FAM98A: variants seen among roughly 807,000 people sequenced by gnomAD.
The protein encoded by FAM98A is tRNA splicing ligase complex subunit 3A.
FAM98A carries 25 observed loss-of-function variants against 62.9 expected under a neutral mutation model. That is an observed-to-expected ratio of 0.40 (90% CI 0.29 to 0.56). The LOEUF (loss-of-function observed/expected upper bound fraction) is 0.56. Ranked by LOEUF, FAM98A falls within the 20% of genes least tolerant of loss-of-function variation. The pLI, the probability that FAM98A is intolerant of heterozygous loss-of-function variation, is 0.51. For synonymous variants in FAM98A, 252 were observed against 228.6 expected (o/e 1.10, Z -0.92); for missense variants, 653 against 640.7 (o/e 1.02, Z -0.21).
rs767257677 is a variant in FAM98A, at chr2:33,599,244, C to G, written c.-23G>C. On this transcript the variant is annotated 5_prime_UTR_variant, in exon 1 of 8. Transcript: ENST00000238823. Reference sequence around the variant, plus strand: ...CATGCTACTGTGGTATTCAAATTTCCGAGTCGTCAGGCTCCCCTCTTCGCC... The same window carrying G: ...CATGCTACTGTGGTATTCAAATTTCGGAGTCGTCAGGCTCCCCTCTTCGCC... 5 of 1,608,886 alleles carry G rather than the reference C, an allele frequency of 3.1e-6. No individual in the cohort carries two copies. The South Asian group carries it at 3.3e-5, about 11-fold the overall frequency.
In FAM98A at chr2:33,585,600, T is replaced by G. The variant is rs1190618410; in HGVS notation, c.818A>C (p.Gln273Pro). 1 of 1,614,246 alleles carries G rather than the reference T, an allele frequency of 6.2e-7. No homozygotes were observed. The highest frequency in any genetic ancestry group is 2.2e-5 in the East Asian group (1 of 44,888). ...TGTCCTTAAAATCTTTGACAAGTCCTGCCTTGCAGCCAAAAGATGGGCAAC... is the reference window on the plus strand; with the variant it reads ...TGTCCTTAAAATCTTTGACAAGTCCGGCCTTGCAGCCAAAAGATGGGCAAC... ...ISVAHLLAAR[Q>P]DLSKILRTSS... The change falls in exon 7 of 8, where the codon CAG (glutamine) becomes CCG (proline). Residue 273 changes from glutamine (Q) to proline (P), a missense_variant. Coordinates refer to ENST00000238823, the MANE Select transcript of FAM98A (RefSeq NM_015475.5).
chr2:33,587,327 C>CA lies in FAM98A; in HGVS notation c.523-8dup. ...TTGCTAATGTTTCCTTTAACTGACA[C>CA]AAAAACATAAATAAATGAATAAAAA... On this transcript the variant is annotated splice_region_variant and splice_polypyrimidine_tract_variant and intron_variant, in intron 4 of 7. Transcript: ENST00000238823. 1 of 1,597,356 alleles carries CA rather than the reference C, an allele frequency of 6.3e-7. No individual in the cohort carries two copies. The highest frequency in any genetic ancestry group is 8.6e-7 in the Non-Finnish European group (1 of 1,165,208).
At position 33,592,093 on chromosome 2, in the gene FAM98A, G is replaced by A; in HGVS notation, c.324C>T (p.Cys108=). The change falls in exon 3 of 8, where the codon TGC becomes TGT. Residue 108 remains cysteine, a synonymous_variant. Coordinates refer to ENST00000238823, the MANE Select transcript of FAM98A (RefSeq NM_015475.5). ...VTKRLLIQKN[C]LLLLTYLISE... ...CCATGAACTTACTGAGCAAGAGGAG[G>A]CAGTTCTTCTGAATGAGAAGGCGCT... The A allele has an allele frequency of 1.2e-6, 2 of 1,613,080 alleles. No individual in the cohort carries two copies. Among genetic ancestry groups the A allele is most frequent in the Non-Finnish European group, 1.7e-6 (2 of 1,179,326 alleles).
rs757362337 is a variant in FAM98A at position 33,584,751 on chromosome 2, T to C, written c.*25A>G. On this transcript the variant is annotated 3_prime_UTR_variant, in exon 8 of 8. Coordinates refer to ENST00000238823, the MANE Select transcript of FAM98A (RefSeq NM_015475.5). The stretch of plus-strand genomic sequence containing the variant: ...AACTAAGTTTCTATTACTTGAGCTC[T>C]AGCAAAATGTAAGGTTCGGTAGCCT... 11 of 1,548,784 alleles carry C rather than the reference T, an allele frequency of 7.1e-6. No homozygotes were observed. Among genetic ancestry groups the C allele is most frequent in the Admixed American group, 1.9e-5 (1 of 52,370 alleles).
chr2:33,588,897 TTAA>T (rs1363179831), intron 3 of FAM98A: 1 of 117,408 alleles, frequency 8.5e-6, no homozygotes, highest in African/African-American at 2.8e-5. Context: ...TTAATGACAA[TTAA>T]TTTTTTTTTT....
At chr2:33,590,556 G>A (rs984322625) in intron 3 of FAM98A, among the ~76,000 whole-genome samples, 4 of 152,032 alleles carry the variant, frequency 2.6e-5, no homozygotes, top group Admixed American at 2.0e-4. Flanking sequence ...AGGGAGAATC[G>A]GCAGAAGCAA....
chr2:33,587,998 TA>T, intron 4 of FAM98A: 2 of 282,678 alleles, frequency 7.1e-6, no homozygotes, highest in Non-Finnish European at 1.4e-5. Flanking sequence ...ATAAAGAACT[TA>T]AATTGACTGT....
chr2:33,591,789 C>A, intron 3 of FAM98A: 1 of 232,362 alleles, frequency 4.3e-6, no homozygotes, highest in South Asian at 1.4e-4. Context: ...AATGATCACA[C>A]ACTTGAGCAA....
At position 33,595,621 on chromosome 2, in the gene FAM98A, A is replaced by T; in HGVS notation, c.70T>A (p.Leu24Met). 1 of 1,582,480 alleles carries T rather than the reference A, an allele frequency of 6.3e-7. No homozygotes were observed. The highest frequency in any genetic ancestry group is 8.5e-7 in the Non-Finnish European group (1 of 1,170,114). The change falls in exon 2 of 8, where the codon TTG (leucine) becomes ATG (methionine). Residue 24 changes from leucine (L) to methionine (M), a missense_variant. By Grantham distance (15) the Leu-to-Met change is conservative. Transcript: ENST00000238823. Reference protein sequence around the residue: ...LEDLGYKGPLLEDGALSQAVS... With the variant: ...LEDLGYKGPLMEDGALSQAVS... ...GCCTGAGAGAGCGCTCCATCTTCCA[A>T]CAATGGGCCCTTGTAACTGGTGAGC... is the stretch of plus-strand genomic sequence containing the variant.
intron 2 of FAM98A, among the ~76,000 whole-genome samples, chr2:33,594,928 G>T (rs1483540557): frequency 1.3e-5 from 2 of 152,100 alleles, no homozygotes; most frequent in African/African-American, 4.8e-5. Flanking sequence ...ACAAACTAGT[G>T]CAACAGTGGA....
At chr2:33,597,503 C>G (rs562378491) in intron 1 of FAM98A, among the ~76,000 whole-genome samples, 2 of 152,126 alleles carry the variant, frequency 1.3e-5, no homozygotes, top group Admixed American at 6.5e-5. Context: ...TTACATTACA[C>G]TCTATGTCAA....
intron 1 of FAM98A, among the ~76,000 whole-genome samples, chr2:33,598,828 G>A (rs762185820): frequency 9.9e-5 from 15 of 152,112 alleles, no homozygotes; most frequent in Non-Finnish European, 1.9e-4. Context: ...GAGTTGAGGG[G>A]TTAAGGGGTA....
chr2:33,593,266 GTCGTGGCACA>G (rs1221205160), intron 2 of FAM98A, among the ~76,000 whole-genome samples: 1 of 152,164 alleles, frequency 6.6e-6, no homozygotes, highest in African/African-American at 2.4e-5. Flanking sequence ...TCAGCCAGTT[GTCGTGGCACA>G]TGCCTGTAGT....
intron 2 of FAM98A, 146 bp from the exon 3 acceptor site, chr2:33,592,360 C>T (rs553755666): frequency 4.6e-6 from 3 of 657,678 alleles, no homozygotes; most frequent in East Asian, 2.8e-5. Flanking sequence ...TACACCACTG[C>T]AAAGTTTCTT....
At chr2:33,588,274 A>G in intron 4 of FAM98A, 61 bp downstream of exon 4, 2 of 1,286,598 alleles carry the variant, frequency 1.6e-6, no homozygotes, top group Non-Finnish European at 2.2e-6. Flanking sequence ...TAATTGCTTC[A>G]TTTCAAACAA....
chr2:33,591,825 T>A (rs1160625783), intron 3 of FAM98A: 3 of 304,626 alleles, frequency 9.8e-6, no homozygotes, highest in African/African-American at 4.2e-5. Context: ...AGTGATCACA[T>A]TAGGAGAAGC....
chr2:33,599,151 G>T lies in FAM98A; in HGVS notation c.53+18C>A. The T allele has an allele frequency of 6.2e-7, 1 of 1,608,606 alleles. No homozygotes were observed. Among genetic ancestry groups the T allele is most frequent in the Non-Finnish European group, 8.5e-7 (1 of 1,175,030 alleles). On this transcript the variant is annotated intron_variant, in intron 1 of 7. Transcript: ENST00000238823. ...CGGCAGCGTGGGGCTTGGGAGACCC[G>T]TGCCCTGACAATCTTACCCTAGATC...
At position 33,587,271 on chromosome 2, in the gene FAM98A, A is replaced by G; in HGVS notation, c.572T>C (p.Leu191Ser). The G allele has an allele frequency of 6.2e-7, 1 of 1,613,476 alleles. No individual in the cohort carries two copies. ...GGCTGGTCCCATTGGCTTCTTCAGT[A>G]AAGGCTTTCCCACATGATTAGGTGG... Reference protein sequence around the residue: ...KVPPNHVGKPLLKKPMGPAHW... With the variant: ...KVPPNHVGKPSLKKPMGPAHW... The change falls in exon 5 of 8, where the codon TTA becomes TCA. Residue 191 changes from leucine (L) to serine (S), a missense_variant. Leu to Ser is a moderately radical substitution (Grantham distance 145, BLOSUM62 -2). Coordinates refer to ENST00000238823, the MANE Select transcript of FAM98A (RefSeq NM_015475.5).
At position 33,588,138 on chromosome 2, in the gene FAM98A, G is replaced by A. The variant is rs565354075; in HGVS notation, c.522+197C>T. The A allele has an allele frequency of 1.5e-4, 88 of 591,434 alleles. No individual in the cohort carries two copies. In the African/African-American group the frequency reaches 1.6e-3, roughly 11 times the overall value. The allele number at this position is 591,434 out of a possible 1,614,324, so 36.6% of individuals were successfully genotyped here. On this transcript the variant is annotated intron_variant, in intron 4 of 7. Coordinates refer to ENST00000238823, the MANE Select transcript of FAM98A (RefSeq NM_015475.5). Reference sequence around the variant, plus strand: ...TTTTGAAAAAGAAACATGCTAACATGTTTTTAGGAAAATACTAAAATACTA... The same window carrying A: ...TTTTGAAAAAGAAACATGCTAACATATTTTTAGGAAAATACTAAAATACTA...
Sources: allele counts gnomAD v4.1 joint callset (sites outside exome capture counted in the v4.1 genomes callset), GRCh38; gene constraint gnomAD v4.1.1; transcripts MANE v1.5; gene names NCBI Gene and HGNC (gene_info 2026-07-23, HGNC 2026-07-21).